The following TCF7L1 variants were observed in gnomAD, a reference collection of about 807,000 sequenced individuals.
The protein encoded by TCF7L1 is transcription factor 7-like 1.
In TCF7L1, 18 loss-of-function variants were observed where a neutral mutation model predicts 63.7. That is an observed-to-expected ratio of 0.28 (90% CI 0.20 to 0.42). The LOEUF (loss-of-function observed/expected upper bound fraction) is 0.42, where lower values mean the gene tolerates loss of function less well. TCF7L1 is among the 10% of genes least tolerant of loss of function. The probability of loss-of-function intolerance (pLI) is 1.00; values close to 1 mark genes in which losing one functional copy is unlikely to be tolerated. For synonymous variants in TCF7L1, 355 were observed against 340.9 expected (o/e 1.04, Z -0.46); for missense variants, 654 against 779.3 (o/e 0.84, Z 1.91).
At chr2:85,208,066 A>G (rs916304050) in intron 3 of TCF7L1, among the ~76,000 whole-genome samples, 7 of 150,744 alleles carry the variant, frequency 4.6e-5, no homozygotes, top group Admixed American at 1.3e-4. Flanking sequence ...GCCACCACAC[A>G]TGGCCAATTT....
At chr2:85,228,081 T>G (rs1396089830) in intron 3 of TCF7L1, among the ~76,000 whole-genome samples, 1 of 151,486 alleles carries the variant, frequency 6.6e-6, no homozygotes, top group Non-Finnish European at 1.5e-5. Flanking sequence ...AATCCTTGAG[T>G]AGGTCCTAGC....
chr2:85,260,408 G>A (rs966353137), intron 3 of TCF7L1, among the ~76,000 whole-genome samples: 5 of 152,006 alleles, frequency 3.3e-5, no homozygotes, highest in African/African-American at 9.7e-5. Flanking sequence ...AGGTTGAGGC[G>A]GGCAGATTGC....
rs771331865 is a variant in TCF7L1, at chr2:85,309,424, G to T, written c.1729G>T (p.Ala577Ser). The change falls in exon 12 of 12, where the codon GCC becomes TCC. Residue 577 changes from alanine to serine, a missense_variant. By Grantham distance (99) the Ala-to-Ser change is moderately conservative. Transcript: ENST00000282111. The part of the protein sequence containing the change: ...HAHQALPVLQ[A>S]QPLSLVTKSA... ...CCACCAGGCCCTCCCGGTGCTACAG[G>T]CCCAGCCTCTTTCCCTGGTCACCAA... 1.3e-6 allele frequency: 2 copies of T among 1,557,940 alleles called. No homozygotes were observed. Among genetic ancestry groups the T allele is most frequent in the African/African-American group, 1.4e-5 (1 of 73,494 alleles).
At chr2:85,300,127 G>T (rs769081001) in intron 4 of TCF7L1, among the ~76,000 whole-genome samples, 1 of 152,046 alleles carries the variant, frequency 6.6e-6, no homozygotes, top group Non-Finnish European at 1.5e-5. Flanking sequence ...TAAAGACAAA[G>T]TTACCCATAG....
At chr2:85,304,180 C>T in intron 6 of TCF7L1, 75 bp from the exon 7 acceptor site, 4 of 1,462,310 alleles carry the variant, frequency 2.7e-6, no homozygotes, top group Non-Finnish European at 3.8e-6. Flanking sequence ...ATTTCTCATC[C>T]CTTCTTCCCA....
chr2:85,307,703 T>C lies in TCF7L1; in HGVS notation c.1319T>C (p.Val440Ala). Residue 440 changes from valine to alanine, a missense_variant, in exon 11 of 12, where the codon GTC (valine) becomes GCC (alanine). By Grantham distance (64) the Val-to-Ala change is moderately conservative. Around this residue, in one of 3 missense-constraint regions of TCF7L1, gnomAD observed 184 missense variants for 204.0 expected, o/e 0.90. Coordinates refer to ENST00000282111, the MANE Select transcript of TCF7L1 (RefSeq NM_031283.3). ...TCCCAGACACAGTCACAGCAGCAAG[T>C]CCAGGAGGCAGAGGGTGCGTCTCGG... ...QLSQTQSQQQVQEAEGALASK... is the reference protein window; with the variant it reads ...QLSQTQSQQQAQEAEGALASK... 1 of 1,613,672 alleles carries C rather than the reference T, an allele frequency of 6.2e-7. No individual in the cohort carries two copies. The highest frequency in any genetic ancestry group is 8.5e-7 in the Non-Finnish European group (1 of 1,179,964).
intron 3 of TCF7L1, among the ~76,000 whole-genome samples, chr2:85,254,731 C>G (rs1419817208): frequency 6.6e-6 from 1 of 152,206 alleles, no homozygotes; most frequent in Non-Finnish European, 1.5e-5. Flanking sequence ...CGCCAATCTG[C>G]ACTGAGATCT....
At chr2:85,202,840 T>C (rs1038601136) in intron 3 of TCF7L1, among the ~76,000 whole-genome samples, 1 of 152,196 alleles carries the variant, frequency 6.6e-6, no homozygotes, top group Non-Finnish European at 1.5e-5. Context: ...CGAACTCTTT[T>C]TCTTTTTTTT....
At chr2:85,289,398 TC>T (rs1681633297) in intron 4 of TCF7L1, among the ~76,000 whole-genome samples, 1 of 152,168 alleles carries the variant, frequency 6.6e-6, no homozygotes, top group African/African-American at 2.4e-5. Flanking sequence ...TGGTTGCAGT[TC>T]TCCAAAACTT....
At chr2:85,284,648 G>A (rs896721514) in intron 4 of TCF7L1, among the ~76,000 whole-genome samples, 3 of 152,188 alleles carry the variant, frequency 2.0e-5, no homozygotes, top group Admixed American at 6.5e-5. Flanking sequence ...CGACTGTACA[G>A]TGAGCCTCAG....
chr2:85,203,926 C>T (rs188354950), intron 3 of TCF7L1, among the ~76,000 whole-genome samples: 9 of 152,130 alleles, frequency 5.9e-5, no homozygotes, highest in East Asian at 3.9e-4. Flanking sequence ...ATGAAAAGAA[C>T]GCAAGGGAAA....
At chr2:85,225,787 T>C (rs999917580) in intron 3 of TCF7L1, among the ~76,000 whole-genome samples, 10 of 152,220 alleles carry the variant, frequency 6.6e-5, no homozygotes, top group Non-Finnish European at 1.2e-4. Context: ...CTTGACTGAT[T>C]GCCCTGGCCA....
Position 85,134,595 on chromosome 2 carries a change from G to T in TCF7L1, c.441+145G>T. The T allele has an allele frequency of 8.1e-7, 1 of 1,228,590 alleles. No individual in the cohort carries two copies. The highest frequency in any genetic ancestry group is 1.1e-6 in the Non-Finnish European group (1 of 909,088). 76.1% of individuals were successfully genotyped at this position (1,228,590 alleles called of 1,614,324 possible). On this transcript the variant is annotated intron_variant, in intron 3 of 11. Transcript: ENST00000282111. The surrounding 1 kb of genome is among the most constrained non-coding windows in gnomAD (Gnocchi z 5.0). ...TTGCGGAGTTGAACTACTCTCTGGC[G>T]GCCGAGCGCGAGGCTGCGCTGGCCA...
At chr2:85,303,031 TTTTATTTA>T (rs562382211) in intron 5 of TCF7L1, among the ~76,000 whole-genome samples, 1 of 152,236 alleles carries the variant, frequency 6.6e-6, no homozygotes, top group Admixed American at 6.5e-5. Context: ...CCAAACTGGC[TTTTATTTA>T]TTTATTTATT....
intron 3 of TCF7L1, among the ~76,000 whole-genome samples, chr2:85,179,751 G>C (rs1489708068): frequency 6.6e-6 from 1 of 152,130 alleles, no homozygotes; most frequent in Non-Finnish European, 1.5e-5. Flanking sequence ...TGTGGTGTTG[G>C]TTTAGCTCCT....
chr2:85,306,916 G>A lies in TCF7L1; in HGVS notation c.1257+357G>A, dbSNP rs41288843. ...CCTGACCTCGTGATCCGCCCACCTCGGCCTCCCAAAGCGCTGGGATTACAG... is the reference window on the plus strand; with the variant it reads ...CCTGACCTCGTGATCCGCCCACCTCAGCCTCCCAAAGCGCTGGGATTACAG... On this transcript the variant is annotated intron_variant, in intron 10 of 11. Transcript: ENST00000282111. This position sits in a 1 kb window ranked among gnomAD's most constrained non-coding sequence, Gnocchi z 4.3. Among the ~76,000 whole-genome samples, 16,203 of 152,158 alleles carry A rather than the reference G, an allele frequency of 0.11. 1,004 individuals carry two copies. The highest frequency in any genetic ancestry group is 0.22 in the South Asian group (1,042 of 4,810).
intron 3 of TCF7L1, among the ~76,000 whole-genome samples, chr2:85,179,012 G>A (rs1224245155): frequency 2.6e-5 from 4 of 152,182 alleles, no homozygotes; most frequent in Non-Finnish European, 5.9e-5. Context: ...CAGAGCCTGG[G>A]GCTGATAAGG....
At chr2:85,264,620 T>C (rs779032054) in intron 3 of TCF7L1, among the ~76,000 whole-genome samples, 12 of 152,186 alleles carry the variant, frequency 7.9e-5, no homozygotes, top group Non-Finnish European at 1.5e-4. Context: ...ATGCCTAGAA[T>C]TGGTGTTCTA....
chr2:85,258,228 CA>C (rs1229239527), intron 3 of TCF7L1, among the ~76,000 whole-genome samples: 7 of 152,144 alleles, frequency 4.6e-5, no homozygotes, highest in African/African-American at 1.4e-4. Flanking sequence ...TAGACCTGAG[CA>C]GGGGGGGCCT....
Sources: gnomAD v4.1 joint callset for allele counts (sites outside exome capture counted in the v4.1 genomes callset) on GRCh38, gnomAD v4.1.1 for gene constraint, gnomAD v4.1.1 regional missense constraint, Gnocchi (gnomAD v3.1) non-coding constraint, MANE v1.5 for transcripts, NCBI Gene and HGNC (gene_info 2026-07-23, HGNC 2026-07-21) for gene names.